The following AKAP13 variants were observed in gnomAD, a reference collection of about 807,000 sequenced individuals.
AKAP13 encodes the protein A-kinase anchoring protein 13.
AKAP13 carries 80 observed loss-of-function variants against 264.5 expected under a neutral mutation model. The ratio of observed to expected loss-of-function variants is 0.30; its 90% CI spans 0.25 to 0.36. The LOEUF is 0.36. Ranked by LOEUF, AKAP13 falls within the 10% of genes least tolerant of loss-of-function variation. The pLI is 1.00. For synonymous variants in AKAP13, 1,380 were observed against 1,250.2 expected, an observed-to-expected ratio of 1.10 and a Z score of -2.19; for missense variants, 3,712 against 3,435.2, an observed-to-expected ratio of 1.08 and a Z score of -2.01.
At chr15:85,555,589 T>C (rs2078113969) in intron 5 of AKAP13, 2 of 783,796 alleles carry the variant, frequency 2.6e-6, no homozygotes, top group African/African-American at 3.6e-5. Flanking sequence ...TGAAGCATCA[T>C]TGAACTTCCC....
At chr15:85,537,078 G>C (rs989788087) in intron 4 of AKAP13, 1 of 152,212 alleles carries the variant, frequency 6.6e-6, no homozygotes, top group African/African-American at 2.4e-5. Flanking sequence ...TCAACAACTG[G>C]GATGAGGAAT....
chr15:85,601,072 C>G (rs2080043696), intron 8 of AKAP13, among the ~76,000 whole-genome samples: 1 of 152,184 alleles, frequency 6.6e-6, no homozygotes, highest in Admixed American at 6.5e-5. Flanking sequence ...AAAATTTATC[C>G]TTGATGGCTC....
At chr15:85,700,298 T>C (rs1251574471) in intron 17 of AKAP13, among the ~76,000 whole-genome samples, 3 of 152,216 alleles carry the variant, frequency 2.0e-5, no homozygotes, top group Non-Finnish European at 4.4e-5. Flanking sequence ...TTTCTTGATA[T>C]GTCTTCCTGT....
At chr15:85,613,679 T>TAAAA (rs762473477) in intron 8 of AKAP13, among the ~76,000 whole-genome samples, 28 of 103,296 alleles carry the variant, frequency 2.7e-4, no homozygotes, top group African/African-American at 4.9e-4. Context: ...AGACTCCGTC[T>TAAAA]AAAAAAAAAA....
chr15:85,585,444 A>G (rs1198177618), intron 7 of AKAP13, among the ~76,000 whole-genome samples: 1 of 152,234 alleles, frequency 6.6e-6, no homozygotes, highest in African/African-American at 2.4e-5. Flanking sequence ...AGTGAAATGG[A>G]TGTTCAAAAG....
At chr15:85,700,012 C>G (rs1257445167) in intron 17 of AKAP13, among the ~76,000 whole-genome samples, 1 of 152,182 alleles carries the variant, frequency 6.6e-6, no homozygotes, top group Non-Finnish European at 1.5e-5. Flanking sequence ...CCATGACTAG[C>G]TCCAGATAAT....
intron 4 of AKAP13, among the ~76,000 whole-genome samples, chr15:85,537,807 G>T (rs140938530): frequency 2.3e-4 from 35 of 152,284 alleles, no homozygotes; most frequent in Admixed American, 1.0e-3. Context: ...TAGTTTATAA[G>T]CTATTCATTT....
intron 1 of AKAP13, among the ~76,000 whole-genome samples, chr15:85,477,912 C>G (rs1273719058): frequency 6.6e-6 from 1 of 152,122 alleles, no homozygotes; most frequent in East Asian, 1.9e-4. Flanking sequence ...ACTTCCTATT[C>G]ATCTTTGTAG....
intron 2 of AKAP13, among the ~76,000 whole-genome samples, chr15:85,498,039 G>T (rs906589582): frequency 4.6e-5 from 7 of 151,992 alleles, no homozygotes; most frequent in Non-Finnish European, 8.8e-5. Flanking sequence ...ACCTCAAGGA[G>T]CCACAGAATG....
At chr15:85,657,512 G>A (rs1462797196) in intron 11 of AKAP13, among the ~76,000 whole-genome samples, 1 of 152,124 alleles carries the variant, frequency 6.6e-6, no homozygotes, top group Non-Finnish European at 1.5e-5. Flanking sequence ...ACTGGTGCAG[G>A]TAGTTTGCAT....
At chr15:85,493,044 G>GGTACCCTTGTTCTGCGCAAGGT (rs879696907) in intron 2 of AKAP13, among the ~76,000 whole-genome samples, 4 of 152,138 alleles carry the variant, frequency 2.6e-5, no homozygotes, top group Non-Finnish European at 5.9e-5. Context: ...CCTAAAATGG[G>GGTACCCTTGTTCTGCGCAAGGT]GTACCCTTGT....
chr15:85,569,999 C>A lies in AKAP13; in HGVS notation c.663-5132C>A, dbSNP rs2078753547. 2.9e-5 allele frequency among the ~76,000 whole-genome samples: 4 copies of A among 138,866 alleles called. No homozygotes were observed. In the Admixed American group the frequency reaches 3.2e-4, roughly 11 times the overall value. The allele number at this position is 138,866 out of a possible 152,430, so 91.1% of individuals were successfully genotyped here. The stretch of plus-strand genomic sequence containing the variant: ...GGCTGAGGCAGGAGAATGGCGTGAA[C>A]CTGGGAGGCGGAGCTTGCGGTGAGC... On this transcript the variant is annotated intron_variant, in intron 5 of 36. Coordinates refer to ENST00000394518, the MANE Select transcript of AKAP13 (RefSeq NM_007200.5).
chr15:85,523,969 A>T (rs2076927342), intron 3 of AKAP13, among the ~76,000 whole-genome samples: 1 of 152,208 alleles, frequency 6.6e-6, no homozygotes, highest in South Asian at 2.1e-4. Context: ...ATTAGTCAAG[A>T]ATCTGCATGG....
At chr15:85,442,477 A>ATATAATATATATAATATATAT in intron 1 of AKAP13, among the ~76,000 whole-genome samples, 1 of 122,222 alleles carries the variant, frequency 8.2e-6, no homozygotes, top group Non-Finnish European at 1.7e-5. Context: ...AATATATATT[A>ATATAATATATATAATATATAT]TATAATATAT....
Position 85,708,133 on chromosome 15 carries a change from C to G in AKAP13, c.5532+47C>G, listed in dbSNP as rs1016102631. On this transcript the variant is annotated intron_variant, in intron 18 of 36. Coordinates refer to ENST00000394518, the MANE Select transcript of AKAP13 (RefSeq NM_007200.5). The surrounding 1 kb of genome is among the most constrained non-coding windows in gnomAD (Gnocchi z 4.3). ...AAGGCTTAAAATAAAAGGGTTTAAA[C>G]CAGCAAAATCCTCGGGAGTTGGGAG... 6 of 1,574,422 alleles carry G rather than the reference C, an allele frequency of 3.8e-6. No homozygotes were observed. In the South Asian group the frequency reaches 5.6e-5, roughly 15 times the overall value.
At chr15:85,728,135 A>C (rs776110815) in intron 29 of AKAP13, among the ~76,000 whole-genome samples, 6 of 152,162 alleles carry the variant, frequency 3.9e-5, no homozygotes. Flanking sequence ...CCTGGTACTC[A>C]CGTATGTAGT....
intron 33 of AKAP13, among the ~76,000 whole-genome samples, chr15:85,739,926 C>A (rs182692087): frequency 2.0e-5 from 3 of 152,018 alleles, no homozygotes; most frequent in African/African-American, 4.8e-5. Context: ...TGTTCTGTTG[C>A]GTTGATATGT....
chr15:85,664,082 A>AACTTGAATGTAAAATTATAAAGGTCC (rs2083475800), intron 12 of AKAP13, among the ~76,000 whole-genome samples: 1 of 152,218 alleles, frequency 6.6e-6, no homozygotes, highest in Admixed American at 6.5e-5. Flanking sequence ...TATAAAGGTC[A>AACTTGAATGTAAAATTATAAAGGTCC]ACTTGAATGT....
intron 1 of AKAP13, chr15:85,480,979 A>G (rs2075335254): frequency 6.6e-6 from 1 of 152,240 alleles, no homozygotes; most frequent in South Asian, 2.1e-4. Flanking sequence ...GGCGTGTGCC[A>G]CCGCGTCTGT....
Sources: allele counts gnomAD v4.1 joint callset (sites outside exome capture counted in the v4.1 genomes callset), GRCh38; gene constraint gnomAD v4.1.1; non-coding constraint Gnocchi (gnomAD v3.1); transcripts MANE v1.5; gene names NCBI Gene and HGNC (gene_info 2026-07-23, HGNC 2026-07-21).